Variants in STARD9 observed in about 807,000 individuals in gnomAD.
The protein encoded by STARD9 is stAR-related lipid transfer protein 9.
A neutral mutation model predicts 399.8 loss-of-function variants in STARD9; 346 were observed. The ratio of observed to expected loss-of-function variants is 0.87; its 90% CI spans 0.79 to 0.95. STARD9 has a LOEUF of 0.95. STARD9 is among the 40% of genes least tolerant of loss of function. The pLI is 0.00. For synonymous variants in STARD9, 2,203 were observed against 2,143.5 expected (o/e 1.03, Z -0.77); for missense variants, 5,832 against 5,667.5 (o/e 1.03, Z -0.93).
Position 42,682,166 on chromosome 15 carries a change from G to T in STARD9, c.2128G>T (p.Asp710Tyr). The change falls in exon 22 of 33, where the codon GAC becomes TAC. Residue 710 changes from aspartate (D) to tyrosine (Y), a missense_variant. Around this residue, in one of 2 missense-constraint regions of STARD9, gnomAD observed 5,828 missense variants for 5,651.1 expected, o/e 1.03. Transcript: ENST00000290607. ...CAGCTTGCAACAGCAGCAGCAAGAA[G>T]ACCAGGTAGCAGAGAAAGAACTTGA... The part of the protein sequence containing the change: ...LASLQQQQQE[D>Y]QVAEKELEAS... 1 of 1,537,270 alleles carries T rather than the reference G, an allele frequency of 6.5e-7. No homozygotes were observed. The highest frequency in any genetic ancestry group is 8.7e-7 in the Non-Finnish European group (1 of 1,146,908).
chr15:42,661,183 C>T lies in STARD9; in HGVS notation c.728C>T (p.Ser243Phe), dbSNP rs1481849727. 6.5e-7 allele frequency: 1 copy of T among 1,536,920 alleles called. No homozygotes were observed. The highest frequency in any genetic ancestry group is 8.7e-7 in the Non-Finnish European group (1 of 1,146,660). ...GCAATCCTGGAGAACAACCTCCCTT[C>T]TGAAATGGCTAGCAAGATCAACCTT... is the stretch of plus-strand genomic sequence containing the variant. ...TQAILENNLPSEMASKINLVD... is the reference protein window; with the variant it reads ...TQAILENNLPFEMASKINLVD... The change falls in exon 10 of 33, where the codon TCT (serine) becomes TTT (phenylalanine). Residue 243 changes from serine to phenylalanine, a missense_variant. Coordinates refer to ENST00000290607, the MANE Select transcript of STARD9 (RefSeq NM_020759.3).
chr15:42,597,163 A>G (rs1048382214), intron 3 of STARD9, among the ~76,000 whole-genome samples: 14 of 152,052 alleles, frequency 9.2e-5, no homozygotes, highest in African/African-American at 3.4e-4. Flanking sequence ...TGTCGTGATC[A>G]TGGCTCACTT....
At chr15:42,699,394 T>C (rs1302906193) in intron 26 of STARD9, among the ~76,000 whole-genome samples, 1 of 135,094 alleles carries the variant, frequency 7.4e-6, no homozygotes, top group Non-Finnish European at 1.5e-5. Flanking sequence ...TTTCTTTTCT[T>C]TTTTTTTTTT....
At chr15:42,594,188 G>A (rs567105642) in intron 3 of STARD9, among the ~76,000 whole-genome samples, 1 of 152,290 alleles carries the variant, frequency 6.6e-6, no homozygotes, top group African/African-American at 2.4e-5. Flanking sequence ...AACCTGGAGA[G>A]GCTTCAGAGG....
intron 3 of STARD9, among the ~76,000 whole-genome samples, chr15:42,627,908 T>G (rs2059257321): frequency 6.6e-6 from 1 of 152,254 alleles, no homozygotes; most frequent in Admixed American, 6.5e-5. Flanking sequence ...GATACCTTTT[T>G]GACATACTGA....
intron 1 of STARD9, among the ~76,000 whole-genome samples, chr15:42,578,943 G>T (rs1286171130): frequency 6.6e-6 from 1 of 152,262 alleles, no homozygotes; most frequent in East Asian, 1.9e-4. Context: ...AAAACAAACA[G>T]GTTTCTTTCT....
At chr15:42,578,870 A>G (rs775830611) in intron 1 of STARD9, among the ~76,000 whole-genome samples, 1 of 152,222 alleles carries the variant, frequency 6.6e-6, no homozygotes, top group Non-Finnish European at 1.5e-5. Context: ...AGTTCTGCAG[A>G]CATCCTTCCT....
intron 3 of STARD9, among the ~76,000 whole-genome samples, chr15:42,592,237 A>G (rs935882141): frequency 2.6e-5 from 4 of 152,184 alleles, no homozygotes; most frequent in Admixed American, 2.6e-4. Context: ...TGAACACAGG[A>G]TCATCTGACT....
chr15:42,652,745 G>A (rs894655269), intron 9 of STARD9, among the ~76,000 whole-genome samples, 153 bp downstream of exon 9: 10 of 151,984 alleles, frequency 6.6e-5, no homozygotes, highest in African/African-American at 2.4e-4. Flanking sequence ...GCGCGATCTC[G>A]GCTCACCTGA....
At chr15:42,710,910 T>C (rs1327839936) in intron 26 of STARD9, among the ~76,000 whole-genome samples, 3 of 119,464 alleles carry the variant, frequency 2.5e-5, no homozygotes. Context: ...TCTCTCTCTC[T>C]CTCTGTGTGT....
chr15:42,616,591 C>A (rs1175151710), intron 3 of STARD9, among the ~76,000 whole-genome samples: 1 of 152,068 alleles, frequency 6.6e-6, no homozygotes, highest in Admixed American at 6.6e-5. Context: ...TCATTTTTCT[C>A]ATAGGAAAGT....
Position 42,693,820 on chromosome 15 carries a change from G to A in STARD9, c.12242G>A (p.Gly4081Asp), listed in dbSNP as rs757920352. ...RTLDRPSSWG[G>D]LQHLSPCPVS... ...CTGGACCGACCTTCTTCATGGGGAG[G>A]CCTCCAGCACCTCAGCCCCTGCCCT... The change falls in exon 23 of 33, where the codon GGC becomes GAC. Residue 4081 changes from glycine (G) to aspartate (D), a missense_variant. Coordinates refer to ENST00000290607, the MANE Select transcript of STARD9 (RefSeq NM_020759.3). 18 of 1,536,346 alleles carry A rather than the reference G, an allele frequency of 1.2e-5. No individual in the cohort carries two copies. The South Asian group carries it at 2.0e-4, about 17-fold the overall frequency.
chr15:42,575,634 T>C lies in STARD9; in HGVS notation c.-82T>C. 6.9e-7 allele frequency: 1 copy of C among 1,452,674 alleles called. No homozygotes were observed. Among genetic ancestry groups the C allele is most frequent in the Non-Finnish European group, 9.3e-7 (1 of 1,074,636 alleles). 90.0% of individuals were successfully genotyped at this position (1,452,674 alleles called of 1,614,324 possible). A position where few individuals can be genotyped will look rare whatever the true frequency, so the allele number is the denominator to read the frequency against. On this transcript the variant is annotated 5_prime_UTR_variant, in exon 1 of 33. Coordinates refer to ENST00000290607, the MANE Select transcript of STARD9 (RefSeq NM_020759.3). ...GGCGCGTGGGGCGGGCGGGGCTGGG[T>C]TGGGGCTGTGTCTGGGCTTAGGGCG... is the stretch of plus-strand genomic sequence containing the variant.
At chr15:42,588,913 C>G (rs1042410214) in intron 3 of STARD9, among the ~76,000 whole-genome samples, 3 of 149,758 alleles carry the variant, frequency 2.0e-5, no homozygotes, top group Non-Finnish European at 2.9e-5. Context: ...CTCCTGGGTT[C>G]CAGCGATTCT....
intron 26 of STARD9, among the ~76,000 whole-genome samples, chr15:42,704,131 G>A (rs1055413379): frequency 6.6e-6 from 1 of 151,978 alleles, no homozygotes; most frequent in Non-Finnish European, 1.5e-5. Flanking sequence ...GGCTGGTCTC[G>A]AACTCCTGAC....
At chr15:42,601,635 G>A (rs1377806564) in intron 3 of STARD9, among the ~76,000 whole-genome samples, 6 of 151,666 alleles carry the variant, frequency 4.0e-5, no homozygotes, top group Admixed American at 6.6e-5. Flanking sequence ...CCCACTTCCC[G>A]GATATATCTG....
At chr15:42,649,038 T>C (rs1006620332) in intron 7 of STARD9, among the ~76,000 whole-genome samples, 2 of 151,946 alleles carry the variant, frequency 1.3e-5, no homozygotes, top group African/African-American at 4.8e-5. Flanking sequence ...GCCTCCATTT[T>C]TTTTTCTTTG....
At chr15:42,695,948 C>T (rs1267834237) in intron 26 of STARD9, 68 bp downstream of exon 26, 12 of 1,473,842 alleles carry the variant, frequency 8.1e-6, no homozygotes, top group South Asian at 1.3e-5. Flanking sequence ...GAGCAGGACG[C>T]TGTGCCTCCT....
Position 42,684,377 on chromosome 15 carries a change from A to G in STARD9, c.2799A>G (p.Glu933=). 1 of 1,537,010 alleles carries G rather than the reference A, an allele frequency of 6.5e-7. No homozygotes were observed. The highest frequency in any genetic ancestry group is 8.7e-7 in the Non-Finnish European group (1 of 1,146,818). The change falls in exon 23 of 33, where the codon GAA becomes GAG. Residue 933 remains glutamate (E), a synonymous_variant. Coordinates refer to ENST00000290607, the MANE Select transcript of STARD9 (RefSeq NM_020759.3). ...GTCCCAACTCTGTTGGCATCCAGGA[A>G]ATGGAGATGGGGGTTAAGCAGCCCC... The part of the protein sequence containing the change: ...TMSPNSVGIQ[E]MEMGVKQPHQ...
Sources: allele counts gnomAD v4.1 joint callset (sites outside exome capture counted in the v4.1 genomes callset), GRCh38; gene constraint gnomAD v4.1.1; regional missense constraint gnomAD v4.1.1; transcripts MANE v1.5; gene names NCBI Gene and HGNC (gene_info 2026-07-23, HGNC 2026-07-21).